VWA8: variants seen among roughly 807,000 people sequenced by gnomAD.
VWA8 encodes von Willebrand factor A domain-containing protein 8.
A neutral mutation model predicts 241.5 loss-of-function variants in VWA8; 221 were observed. The ratio of observed to expected loss-of-function variants is 0.91; its 90% CI spans 0.82 to 1.02. The LOEUF is 1.02. Ranked by LOEUF, VWA8 falls within the 50% of genes least tolerant of loss-of-function variation. The pLI is 0.00. For missense variants in VWA8, 2,322 were observed against 2,328.7 expected (o/e 1.00, Z 0.06); for synonymous variants, 852 against 827.1 (o/e 1.03, Z -0.52).
intron 35 of VWA8, among the ~76,000 whole-genome samples, chr13:41,681,118 G>A (rs1042386922): frequency 6.6e-6 from 1 of 152,186 alleles, no homozygotes; most frequent in African/African-American, 2.4e-5. Context: ...TCCCCCAGGT[G>A]ATGTCAGATC....
chr13:41,731,465 T>C (rs940832817), intron 22 of VWA8, among the ~76,000 whole-genome samples: 1 of 152,128 alleles, frequency 6.6e-6, no homozygotes, highest in Admixed American at 6.5e-5. Context: ...AAATCTGGAA[T>C]AGAAATCAAT....
At position 41,930,370 on chromosome 13, in the gene VWA8, T is replaced by C. The variant is rs190190212; in HGVS notation, c.242-18202A>G. ...TATGACTCAGCAATTCTTCTGGATA[T>C]ATACCCAAAGGAAATAAAATCACCT... On this transcript the variant is annotated intron_variant, in intron 2 of 44. Coordinates refer to ENST00000379310, the MANE Select transcript of VWA8 (RefSeq NM_015058.2). Among the ~76,000 whole-genome samples the C allele has an allele frequency of 2.3e-4, 35 of 152,356 alleles. 1 individual carries two copies. In the East Asian group the frequency reaches 6.4e-3, roughly 28 times the overall value.
chr13:41,891,471 A>T lies in VWA8; in HGVS notation c.600T>A (p.Leu200=). The part of the protein sequence containing the change: ...NNLLENREMQ[L]EDGRFLMSAE... The stretch of plus-strand genomic sequence containing the variant: ...CAGACATCAGGAAGCGTCCATCTTC[A>T]AGCTGCATCTCTCTGTTTTCCAGCA... The change falls in exon 5 of 45, where the codon CTT becomes CTA. Residue 200 remains leucine (L), a synonymous_variant. Transcript: ENST00000379310. 1 of 1,614,214 alleles carries T rather than the reference A, an allele frequency of 6.2e-7. No homozygotes were observed. The highest frequency in any genetic ancestry group is 8.5e-7 in the Non-Finnish European group (1 of 1,180,038).
In VWA8 at chr13:41,847,545, G is replaced by A. The variant is rs529451782; in HGVS notation, c.1426-14014C>T. 1.3e-5 allele frequency among the ~76,000 whole-genome samples: 2 copies of A among 152,236 alleles called. 1 individual carries two copies. The highest frequency in any genetic ancestry group is 6.8e-3 in the Middle Eastern group (2 of 294). ...CAGCAGGAAGGGAGAAGGCTGAAGA[G>A]GTAGGCATGGATTGGGTCACATAGC... is the stretch of plus-strand genomic sequence containing the variant. On this transcript the variant is annotated intron_variant, in intron 12 of 44. Coordinates refer to ENST00000379310, the MANE Select transcript of VWA8 (RefSeq NM_015058.2).
intron 1 of VWA8, 59 bp downstream of exon 1, chr13:41,960,794 C>T: frequency 6.8e-7 from 1 of 1,467,230 alleles, no homozygotes; most frequent in Non-Finnish European, 8.9e-7. Flanking sequence ...CGGGGGCGCG[C>T]GGGGACCCGG....
At chr13:41,616,321 A>G (rs928345676) in intron 37 of VWA8, among the ~76,000 whole-genome samples, 5 of 152,228 alleles carry the variant, frequency 3.3e-5, no homozygotes, top group African/African-American at 1.2e-4. Context: ...TTCTGCAAAT[A>G]GCTTCGGCAG....
At chr13:41,586,892 G>T (rs1012077927) in intron 42 of VWA8, among the ~76,000 whole-genome samples, 1 of 152,178 alleles carries the variant, frequency 6.6e-6, no homozygotes, top group Non-Finnish European at 1.5e-5. Context: ...GGCCAGAAGT[G>T]CAGGTGCTCT....
At chr13:41,949,273 C>T (rs9566886) in intron 2 of VWA8, among the ~76,000 whole-genome samples, 15,674 of 152,150 alleles carry the variant, frequency 0.1, 1,128 homozygotes, top group African/African-American at 0.2. Context: ...GGCACCTATA[C>T]ACCATGGAAT....
At chr13:41,674,704 G>A (rs1593689362) in intron 36 of VWA8, among the ~76,000 whole-genome samples, 1 of 152,250 alleles carries the variant, frequency 6.6e-6, no homozygotes, top group Non-Finnish European at 1.5e-5. Flanking sequence ...TGCTTCCATA[G>A]TGGGACAATA....
intron 12 of VWA8, among the ~76,000 whole-genome samples, chr13:41,845,229 A>G (rs1481223212): frequency 4.6e-5 from 7 of 152,148 alleles, no homozygotes; most frequent in Admixed American, 2.0e-4. Flanking sequence ...AGAAATGCCA[A>G]TCAAAACAAT....
chr13:41,890,259 C>T (rs888217654), intron 5 of VWA8, among the ~76,000 whole-genome samples: 3 of 152,184 alleles, frequency 2.0e-5, no homozygotes, highest in African/African-American at 7.2e-5. Flanking sequence ...GGAGCAAGAT[C>T]AAGAAGTATG....
chr13:41,647,983 T>C (rs528462674), intron 37 of VWA8, among the ~76,000 whole-genome samples: 2 of 151,858 alleles, frequency 1.3e-5, no homozygotes, highest in South Asian at 4.2e-4. Context: ...AGCGAGACTT[T>C]GTCTCAGGAA....
At chr13:41,902,862 A>T (rs546251130) in intron 4 of VWA8, among the ~76,000 whole-genome samples, 2 of 152,260 alleles carry the variant, frequency 1.3e-5, no homozygotes, top group South Asian at 2.1e-4. Flanking sequence ...TCAATTCGTA[A>T]TAACCTGGAT....
intron 26 of VWA8, among the ~76,000 whole-genome samples, chr13:41,703,838 T>A (rs1268452847): frequency 1.3e-5 from 2 of 151,488 alleles, no homozygotes; most frequent in Non-Finnish European, 2.9e-5. Flanking sequence ...AGTGCAGTTG[T>A]GTGATATCGG....
chr13:41,849,451 G>T (rs1479758242), intron 12 of VWA8, among the ~76,000 whole-genome samples: 1 of 152,146 alleles, frequency 6.6e-6, no homozygotes, highest in East Asian at 1.9e-4. Context: ...ATATCTATAA[G>T]ATATGTAACT....
chr13:41,788,893 C>T (rs1410066466), intron 17 of VWA8, among the ~76,000 whole-genome samples: 1 of 152,188 alleles, frequency 6.6e-6, no homozygotes. Flanking sequence ...GTCAACACAT[C>T]TTAATGTTGG....
intron 2 of VWA8, among the ~76,000 whole-genome samples, chr13:41,938,669 T>C (rs1209842662): frequency 1.3e-5 from 2 of 151,484 alleles, no homozygotes; most frequent in East Asian, 1.9e-4. Context: ...AAAAAATACA[T>C]CTAAAGAAAT....
chr13:41,714,164 T>C (rs546897060), intron 26 of VWA8, among the ~76,000 whole-genome samples: 1 of 152,120 alleles, frequency 6.6e-6, no homozygotes, highest in East Asian at 1.9e-4. Context: ...GTAAATATCA[T>C]CATAAAGAAA....
chr13:41,649,136 A>T (rs915850779), intron 37 of VWA8, among the ~76,000 whole-genome samples: 1 of 152,200 alleles, frequency 6.6e-6, no homozygotes, highest in Non-Finnish European at 1.5e-5. Context: ...GTGAGCTGAG[A>T]TTGCGCCACT....
Sources: allele counts gnomAD v4.1 joint callset (sites outside exome capture counted in the v4.1 genomes callset), GRCh38; gene constraint gnomAD v4.1.1; transcripts MANE v1.5; gene names NCBI Gene and HGNC (gene_info 2026-07-23, HGNC 2026-07-21).